Variants in CDH18 observed in about 807,000 individuals in gnomAD.
CDH18 encodes cadherin-18.
CDH18 carries 31 observed loss-of-function variants against 67.9 expected under a neutral mutation model. The observed-to-expected ratio is 0.46, with a 90% CI of 0.34 to 0.62. The LOEUF is 0.62. Ranked by LOEUF, CDH18 falls within the 20% of genes least tolerant of loss-of-function variation. The pLI is 0.01. For synonymous variants in CDH18, 362 were observed against 347.2 expected, an observed-to-expected ratio of 1.04 and a Z score of -0.48; for missense variants, 890 against 975.5, an observed-to-expected ratio of 0.91 and a Z score of 1.17.
At chr5:19,565,879 C>G (rs12109349) in intron 8 of CDH18, among the ~76,000 whole-genome samples, 3,097 of 152,102 alleles carry the variant, frequency 0.02, 85 homozygotes, top group East Asian at 0.087. Flanking sequence ...GGGATCACAT[C>G]GAGTTAAAAA....
intron 2 of CDH18, among the ~76,000 whole-genome samples, chr5:19,975,271 A>T (rs954418609): frequency 6.6e-6 from 1 of 152,128 alleles, no homozygotes; most frequent in Non-Finnish European, 1.5e-5. Context: ...TTAAATTTGT[A>T]TATTTTTGTA....
Position 19,982,679 on chromosome 5 carries a change from C to T in CDH18, c.-375-1501G>A, listed in dbSNP as rs546632333. Reference sequence around the variant, plus strand: ...TCGATATATTGATTTTCACTTCCACCAGGCAGGAGTAAATACAAGTAAAAG... The same window carrying T: ...TCGATATATTGATTTTCACTTCCACTAGGCAGGAGTAAATACAAGTAAAAG... On this transcript the variant is annotated intron_variant, in intron 1 of 12. Coordinates refer to ENST00000382275, the MANE Select transcript of CDH18 (RefSeq NM_004934.5). Among the ~76,000 whole-genome samples, 31 of 152,102 alleles carry T rather than the reference C, an allele frequency of 2.0e-4. 2 individuals carry two copies. The East Asian group carries it at 5.8e-3, about 29-fold the overall frequency.
intron 1 of CDH18, among the ~76,000 whole-genome samples, chr5:20,399,179 G>A (rs954180614): frequency 1.3e-5 from 2 of 152,152 alleles, no homozygotes; most frequent in African/African-American, 4.8e-5. Context: ...GCAAAGATCA[G>A]GGAAACAGAA....
chr5:20,433,553 G>A (rs1263708280), intron 1 of CDH18, among the ~76,000 whole-genome samples: 2 of 152,018 alleles, frequency 1.3e-5, no homozygotes, highest in African/African-American at 4.8e-5. Context: ...GTAAAAGAAG[G>A]TGTTAATATG....
At chr5:20,162,065 A>T (rs1055531184) in intron 2 of CDH18, among the ~76,000 whole-genome samples, 1 of 152,080 alleles carries the variant, frequency 6.6e-6, no homozygotes, top group African/African-American at 2.4e-5. Flanking sequence ...AATTAACTGA[A>T]GTCTTAACTG....
chr5:20,076,377 T>C (rs1470615886), intron 2 of CDH18, among the ~76,000 whole-genome samples: 1 of 152,156 alleles, frequency 6.6e-6, no homozygotes, highest in Non-Finnish European at 1.5e-5. Flanking sequence ...ATTGTCTTTG[T>C]CTATTTGTTT....
At chr5:20,086,225 C>T (rs1744936276) in intron 2 of CDH18, among the ~76,000 whole-genome samples, 2 of 152,180 alleles carry the variant, frequency 1.3e-5, no homozygotes, top group African/African-American at 2.4e-5. Flanking sequence ...GACCCTAACT[C>T]TCTGAAATGT....
chr5:19,481,385 T>C (rs1479616444), intron 12 of CDH18, among the ~76,000 whole-genome samples: 1 of 152,164 alleles, frequency 6.6e-6, no homozygotes, highest in African/African-American at 2.4e-5. Flanking sequence ...TCTGAGTCCA[T>C]TGAAAGTACC....
intron 11 of CDH18, among the ~76,000 whole-genome samples, chr5:19,502,319 C>A (rs1442488436): frequency 6.6e-6 from 1 of 151,988 alleles, no homozygotes; most frequent in Non-Finnish European, 1.5e-5. Flanking sequence ...CTGCACATAC[C>A]ATATGGCTTA....
At chr5:20,280,513 C>T (rs1746171067) in intron 1 of CDH18, among the ~76,000 whole-genome samples, 1 of 152,274 alleles carries the variant, frequency 6.6e-6, no homozygotes, top group East Asian at 1.9e-4. Context: ...CAGCTTCATC[C>T]ATGTCCCTAC....
rs750216062 is a variant in CDH18, at chr5:20,261,188, A to G, written c.-579-5683T>C. On this transcript the variant is annotated intron_variant, in intron 1 of 14. Coordinates refer to the CDH18 transcript ENST00000507958. ...TAGTCCCCAAAGAGTCTTTCATTCC[A>G]TATTATCATTTTGAGAATGTTAGCA... Among the ~76,000 whole-genome samples the G allele has an allele frequency of 4.6e-5, 7 of 152,284 alleles. No homozygotes were observed. In the South Asian group the frequency reaches 8.3e-4, roughly 18 times the overall value.
At chr5:19,813,853 T>A (rs1031649165) in intron 3 of CDH18, among the ~76,000 whole-genome samples, 9 of 152,122 alleles carry the variant, frequency 5.9e-5, no homozygotes, top group African/African-American at 1.7e-4. Context: ...TTTCATATTA[T>A]CAAATGTGGA....
At chr5:19,681,046 A>G (rs115127104) in intron 5 of CDH18, among the ~76,000 whole-genome samples, 1,529 of 152,158 alleles carry the variant, frequency 0.01, 23 homozygotes, top group African/African-American at 0.035. Flanking sequence ...AAAAAAGAAA[A>G]TATGGTACAT....
At chr5:19,495,717 C>CAAAAAAAAAAA (rs749003068) in intron 11 of CDH18, among the ~76,000 whole-genome samples, 8 of 46,534 alleles carry the variant, frequency 1.7e-4, no homozygotes, top group Admixed American at 2.7e-4. Context: ...GAAACTGTCT[C>CAAAAAAAAAAA]AAAAAAAAAA....
chr5:20,223,083 A>C (rs988023436), intron 2 of CDH18, among the ~76,000 whole-genome samples: 3 of 152,076 alleles, frequency 2.0e-5, no homozygotes, highest in African/African-American at 7.2e-5. Flanking sequence ...AATATTTATC[A>C]TGTCATTTCT....
At chr5:20,505,117 A>C (rs1180940831) in intron 1 of CDH18, among the ~76,000 whole-genome samples, 1 of 151,980 alleles carries the variant, frequency 6.6e-6, no homozygotes, top group Admixed American at 6.6e-5. Context: ...TCACCAATCT[A>C]TTATATGGGG....
chr5:20,486,975 T>A (rs1753235726), intron 1 of CDH18, among the ~76,000 whole-genome samples: 1 of 152,156 alleles, frequency 6.6e-6, no homozygotes. Flanking sequence ...GCAGTGGTTG[T>A]GGCCTAGGGA....
chr5:19,955,920 T>C (rs565884020), intron 2 of CDH18, among the ~76,000 whole-genome samples: 14 of 152,180 alleles, frequency 9.2e-5, no homozygotes, highest in African/African-American at 2.9e-4. Context: ...CAAGGTATTT[T>C]ATCATAAGGA....
intron 2 of CDH18, among the ~76,000 whole-genome samples, chr5:20,247,759 C>CAAAA (rs34347567): frequency 2.3e-5 from 3 of 129,278 alleles, no homozygotes; most frequent in Non-Finnish European, 1.6e-5. Flanking sequence ...GCGAGACCAT[C>CAAAA]AAAAAAAAAA....
Sources: gnomAD v4.1 joint callset for allele counts (sites outside exome capture counted in the v4.1 genomes callset) on GRCh38, gnomAD v4.1.1 for gene constraint, MANE v1.5 for transcripts, NCBI Gene and HGNC (gene_info 2026-07-23, HGNC 2026-07-21) for gene names.